The following CAST variants were observed in gnomAD, a reference collection of about 807,000 sequenced individuals.
The protein encoded by CAST is MIR583 host.
In CAST, 76 loss-of-function variants were observed where a neutral mutation model predicts 119.6. The ratio of observed to expected loss-of-function variants is 0.64; its 90% CI spans 0.53 to 0.77. The LOEUF (loss-of-function observed/expected upper bound fraction) is 0.77, where lower values mean the gene tolerates loss of function less well. Among genes scored for constraint, CAST ranks in the 30% least tolerant of loss-of-function variants. The pLI, the probability that CAST is intolerant of heterozygous loss-of-function variation, is 0.00. For synonymous variants in CAST, 319 were observed against 331.6 expected, an observed-to-expected ratio of 0.96 and a Z score of 0.41; for missense variants, 953 against 946.5, an observed-to-expected ratio of 1.01 and a Z score of -0.09.
At chr5:96,425,041 AAAGAAAGAAAGAAAG>A in the CAST span, among the ~76,000 whole-genome samples, 2 of 143,342 alleles carry the variant, frequency 1.4e-5, no homozygotes, top group East Asian at 3.9e-4. Context: ...AGAAAGAAAG[AAAGAAAGAAAGAAAG>A]AAAGAAAGAA....
chr5:95,991,546 C>A, the CAST span, among the ~76,000 whole-genome samples: 1 of 144,704 alleles, frequency 6.9e-6, no homozygotes. Context: ...CACTCTGTCA[C>A]CCAGGCTAGA....
intron 3 of CAST, among the ~76,000 whole-genome samples, chr5:96,708,571 G>T (rs1346781912): frequency 6.6e-6 from 1 of 152,062 alleles, no homozygotes; most frequent in African/African-American, 2.4e-5. Context: ...GCTCACTGCA[G>T]CCTTGACCCC....
At chr5:96,746,500 C>T (rs1763794894) in intron 17 of CAST, 75 bp downstream of exon 17, 2 of 883,996 alleles carry the variant, frequency 2.3e-6, no homozygotes, top group Non-Finnish European at 3.9e-6. Context: ...GTACCCTTGA[C>T]ATTGTCAAAG....
the CAST span, among the ~76,000 whole-genome samples, chr5:96,379,873 C>A: frequency 1.3e-5 from 2 of 152,062 alleles, no homozygotes; most frequent in African/African-American, 2.4e-5. Context: ...TTAGCCCTAT[C>A]CATGGTGGCA....
At chr5:96,487,095 C>T in the CAST span, among the ~76,000 whole-genome samples, 1 of 152,142 alleles carries the variant, frequency 6.6e-6, no homozygotes, top group East Asian at 1.9e-4. Flanking sequence ...GATTGGAGAG[C>T]ATCACTGTAA....
the CAST span, among the ~76,000 whole-genome samples, chr5:96,422,589 C>T: frequency 1.3e-5 from 2 of 152,144 alleles, no homozygotes; most frequent in Non-Finnish European, 2.9e-5. Flanking sequence ...TCAATCATTC[C>T]TAATTTCTAC....
the CAST span, among the ~76,000 whole-genome samples, chr5:96,136,258 G>A: frequency 6.6e-6 from 1 of 152,026 alleles, no homozygotes; most frequent in African/African-American, 2.4e-5. Flanking sequence ...ATTTATTTTA[G>A]TGTTCCTCCT....
At chr5:96,173,569 A>G in the CAST span, among the ~76,000 whole-genome samples, 9 of 152,240 alleles carry the variant, frequency 5.9e-5, no homozygotes, top group Non-Finnish European at 5.9e-5. Flanking sequence ...GATAGATGTT[A>G]TGACAGTATC....
Position 96,730,811 on chromosome 5 carries a change from G to A in CAST, c.581G>A (p.Gly194Glu). ...CCACAAGACATGATTTCTGCTGGTG[G>A]AGAGAGTGTTGCTGGTATCACTGCA... Reference protein sequence around the residue: ...TKPQDMISAGGESVAGITAIS... With the variant: ...TKPQDMISAGEESVAGITAIS... Residue 194 changes from glycine to glutamate, a missense_variant, in exon 9 of 32, where the codon GGA (glycine) becomes GAA (glutamate). Gly to Glu is a moderately conservative substitution (Grantham distance 98). Coordinates refer to ENST00000675179, the MANE Select transcript of CAST (RefSeq NM_001750.7). The A allele has an allele frequency of 2.5e-6, 4 of 1,614,028 alleles. No individual in the cohort carries two copies. Among genetic ancestry groups the A allele is most frequent in the Non-Finnish European group, 3.4e-6 (4 of 1,179,904 alleles).
Position 96,774,611 on chromosome 5 carries a change from T to C in CAST, c.*1995T>C. 1 of 985,464 alleles carries C rather than the reference T, an allele frequency of 1.0e-6. No individual in the cohort carries two copies. Among genetic ancestry groups the C allele is most frequent in the Non-Finnish European group, 1.2e-6 (1 of 829,826 alleles). The allele number at this position is 985,464 out of a possible 1,614,324, so 61.0% of individuals were successfully genotyped here. A position where few individuals can be genotyped will look rare whatever the true frequency, so the allele number is the denominator to read the frequency against. On this transcript the variant is annotated 3_prime_UTR_variant, in exon 32 of 32. Coordinates refer to ENST00000675179, the MANE Select transcript of CAST (RefSeq NM_001750.7). ...GATAGGTTCCTCAGGTGACCAAAAC[T>C]GAAAATCAATATTTCCATGTTTCAT...
At chr5:96,256,861 C>T in the CAST span, among the ~76,000 whole-genome samples, 2 of 152,084 alleles carry the variant, frequency 1.3e-5, no homozygotes, top group African/African-American at 4.8e-5. Flanking sequence ...CACATCATAA[C>T]GGGCCAGCAC....
At chr5:96,432,165 A>C in the CAST span, 6 of 1,531,650 alleles carry the variant, frequency 3.9e-6, no homozygotes, top group African/African-American at 8.2e-5. Flanking sequence ...TGGCCGGGCA[A>C]AGTTATGAAG....
chr5:96,748,483 T>G (rs1561573946), intron 18 of CAST, 35 bp from the exon 19 acceptor site: 1 of 992,040 alleles, frequency 1.0e-6, no homozygotes, highest in Non-Finnish European at 1.5e-6. Context: ...TAAAAAAGAG[T>G]CCCCTTGTAA....
At chr5:96,492,991 G>A in the CAST span, among the ~76,000 whole-genome samples, 10 of 152,172 alleles carry the variant, frequency 6.6e-5, no homozygotes, top group Middle Eastern at 3.4e-3. Flanking sequence ...AAATGGCCCC[G>A]TTTTTACAAA....
At chr5:96,440,217 C>T in the CAST span, among the ~76,000 whole-genome samples, 1 of 148,130 alleles carries the variant, frequency 6.8e-6, no homozygotes, top group East Asian at 2.0e-4. Flanking sequence ...AAATCCTTAA[C>T]TCTATAAGGG....
At chr5:96,694,715 T>C (rs1025046285) in intron 2 of CAST, among the ~76,000 whole-genome samples, 3 of 152,204 alleles carry the variant, frequency 2.0e-5, no homozygotes, top group East Asian at 1.9e-4. Context: ...GAGAAAGAGA[T>C]ACAGGATATG....
At chr5:96,305,085 T>C in the CAST span, among the ~76,000 whole-genome samples, 1 of 152,214 alleles carries the variant, frequency 6.6e-6, no homozygotes, top group Non-Finnish European at 1.5e-5. Context: ...TCCATGAGCA[T>C]GGAATGTTTT....
At chr5:96,419,245 T>C in the CAST span, among the ~76,000 whole-genome samples, 1 of 150,758 alleles carries the variant, frequency 6.6e-6, no homozygotes, top group East Asian at 1.9e-4. Flanking sequence ...TAGATATAGA[T>C]AAATAATCTA....
At chr5:96,678,535 A>T (rs1386880380) in intron 2 of CAST, among the ~76,000 whole-genome samples, 1 of 152,128 alleles carries the variant, frequency 6.6e-6, no homozygotes. Flanking sequence ...AACCACCGTT[A>T]TATTGCCATA....
Sources: allele counts gnomAD v4.1 joint callset (sites outside exome capture counted in the v4.1 genomes callset), GRCh38; gene constraint gnomAD v4.1.1; transcripts MANE v1.5; gene names NCBI Gene and HGNC (gene_info 2026-07-23, HGNC 2026-07-21).